The following PIM1 variants were observed in gnomAD, a reference collection of about 807,000 sequenced individuals.
The protein encoded by PIM1 is serine/threonine-protein kinase pim-1.
In PIM1, 9 loss-of-function variants were observed where a neutral mutation model predicts 34.5. The observed-to-expected ratio is 0.26, with a 90% CI of 0.16 to 0.46. The LOEUF is 0.46. PIM1 is among the 20% of genes least tolerant of loss of function. The pLI is 1.00. For missense variants in PIM1, 274 were observed against 410.9 expected, an observed-to-expected ratio of 0.67 and a Z score of 2.88; for synonymous variants, 199 against 175.2, an observed-to-expected ratio of 1.14 and a Z score of -1.07.
Position 37,170,522 on chromosome 6 carries a change from T to G in PIM1, c.-54T>G, listed in dbSNP as rs1482851610. On this transcript the variant is annotated 5_prime_UTR_variant, in exon 1 of 6. Coordinates refer to ENST00000373509, the MANE Select transcript of PIM1 (RefSeq NM_002648.4). Reference sequence around the variant, plus strand: ...CCTTCGGCACAGCCCCGGCTCCGGCTCCTGCGGCAGCTCCTCTGGGCACCG... The same window carrying G: ...CCTTCGGCACAGCCCCGGCTCCGGCGCCTGCGGCAGCTCCTCTGGGCACCG... 1 of 1,608,628 alleles carries G rather than the reference T, an allele frequency of 6.2e-7. No individual in the cohort carries two copies. Among genetic ancestry groups the G allele is most frequent in the African/African-American group, 1.3e-5 (1 of 74,764 alleles).
Position 37,170,555 on chromosome 6 carries a change from G to C in PIM1, c.-21G>C, listed in dbSNP as rs771854118. 73 of 1,612,382 alleles carry C rather than the reference G, an allele frequency of 4.5e-5. No homozygotes were observed. Among genetic ancestry groups the C allele is most frequent in the Non-Finnish European group, 6.1e-5 (72 of 1,179,556 alleles). On this transcript the variant is annotated 5_prime_UTR_variant, in exon 1 of 6. Transcript: ENST00000373509. Reference sequence around the variant, plus strand: ...CAGCTCCTCTGGGCACCGTCCCTGCGCCGACATCCTGGAGGTTGGGATGCT... The same window carrying C: ...CAGCTCCTCTGGGCACCGTCCCTGCCCCGACATCCTGGAGGTTGGGATGCT...
intron 4 of PIM1, chr6:37,172,458 C>A: frequency 2.6e-6 from 1 of 390,216 alleles, no homozygotes; most frequent in Non-Finnish European, 5.1e-6. Flanking sequence ...GTCTACCTTT[C>A]CAGTCTAGGG....
chr6:37,170,495 A>C lies in PIM1; in HGVS notation c.-81A>C. The C allele has an allele frequency of 1.9e-6, 3 of 1,593,960 alleles. No individual in the cohort carries two copies. The highest frequency in any genetic ancestry group is 2.6e-6 in the Non-Finnish European group (3 of 1,173,752). On this transcript the variant is annotated 5_prime_UTR_variant, in exon 1 of 6. Transcript: ENST00000373509. ...CAGCCACAGCCACAGCCCCAGGCAT[A>C]GCCTTCGGCACAGCCCCGGCTCCGG...
chr6:37,171,549 G>T, intron 4 of PIM1, 58 bp downstream of exon 4: 2 of 1,565,806 alleles, frequency 1.3e-6, no homozygotes, highest in East Asian at 2.3e-5. Context: ...GGCCCAGTCC[G>T]GAGGCCTCGG....
chr6:37,172,776 GGTTT>G, intron 4 of PIM1: 1 of 672,818 alleles, frequency 1.5e-6, no homozygotes, highest in Middle Eastern at 2.4e-4. Flanking sequence ...TTCAGTTTAT[GGTTT>G]GGGCTAGCAG....
At chr6:37,173,264 ACTC>A in intron 5 of PIM1, 92 bp downstream of exon 5, 2 of 1,117,594 alleles carry the variant, frequency 1.8e-6, no homozygotes, top group Non-Finnish European at 2.6e-6. Flanking sequence ...GGAGAGCTTC[ACTC>A]TCCAGTAGAT....
In PIM1 at chr6:37,173,142, C is replaced by G; in HGVS notation, c.754C>G (p.Gln252Glu). The G allele has an allele frequency of 6.2e-7, 1 of 1,614,176 alleles. No homozygotes were observed. Among genetic ancestry groups the G allele is most frequent in the Non-Finnish European group, 8.5e-7 (1 of 1,180,030 alleles). The change falls in exon 5 of 6, where the codon CAG becomes GAG. Residue 252 changes from glutamine (Q) to glutamate (E), a missense_variant. Coordinates refer to ENST00000373509, the MANE Select transcript of PIM1 (RefSeq NM_002648.4). ...FEHDEEIIRG[Q>E]VFFRQRVSSE... ...GCATGACGAAGAGATCATCAGGGGC[C>G]AGGTTTTCTTCAGGCAGAGGGTCTC...
In PIM1 at chr6:37,170,425, C is replaced by T. The variant is rs1249221739; in HGVS notation, c.-151C>T. 2 of 1,536,524 alleles carry T rather than the reference C, an allele frequency of 1.3e-6. No homozygotes were observed. The highest frequency in any genetic ancestry group is 1.4e-5 in the African/African-American group (1 of 72,874). On this transcript the variant is annotated 5_prime_UTR_variant, in exon 1 of 6. Coordinates refer to ENST00000373509, the MANE Select transcript of PIM1 (RefSeq NM_002648.4). ...AGTTGTCCTCCGACTCGCCCTCGGC[C>T]TTCCGCGCCAGCCGCAGCCACAGCC... is the stretch of plus-strand genomic sequence containing the variant.
At position 37,174,031 on chromosome 6, in the gene PIM1, C is replaced by T. The variant is rs755392523; in HGVS notation, c.882C>T (p.Leu294=). The T allele has an allele frequency of 7.4e-6, 12 of 1,613,970 alleles. No individual in the cohort carries two copies. In the South Asian group the frequency reaches 9.9e-5, roughly 13 times the overall value. Residue 294 remains leucine (L), a synonymous_variant, in exon 6 of 6, where the codon CTC becomes CTT. Transcript: ENST00000373509. The part of the protein sequence containing the change: ...IQNHPWMQDV[L]LPQETAEIHL... The stretch of plus-strand genomic sequence containing the variant: ...ACCATCCATGGATGCAAGATGTTCT[C>T]CTGCCCCAGGAAACTGCTGAGATCC...
intron 4 of PIM1, 195 bp from the exon 5 acceptor site, chr6:37,172,801 A>G (rs1410182015): frequency 1.5e-6 from 1 of 687,842 alleles, no homozygotes; most frequent in African/African-American, 1.8e-5. Context: ...AGAGGTGGGT[A>G]ATGCTTTGGG....
In PIM1 at chr6:37,173,112, T is replaced by G; in HGVS notation, c.724T>G (p.Phe242Val). The change falls in exon 5 of 6, where the codon TTC becomes GTC. Residue 242 changes from phenylalanine to valine, a missense_variant. Coordinates refer to ENST00000373509, the MANE Select transcript of PIM1 (RefSeq NM_002648.4). ...TGATATGGTGTGTGGAGATATTCCT[T>G]TCGAGCATGACGAAGAGATCATCAG... ...LYDMVCGDIP[F>V]EHDEEIIRGQ... 1 of 1,614,200 alleles carries G rather than the reference T, an allele frequency of 6.2e-7. No individual in the cohort carries two copies. Among genetic ancestry groups the G allele is most frequent in the Non-Finnish European group, 8.5e-7 (1 of 1,180,042 alleles).
rs1401146586 is a variant in PIM1 at position 37,170,424 on chromosome 6, C to A, written c.-152C>A. 2 of 1,536,102 alleles carry A rather than the reference C, an allele frequency of 1.3e-6. No individual in the cohort carries two copies. Among genetic ancestry groups the A allele is most frequent in the African/African-American group, 2.7e-5 (2 of 72,742 alleles). Reference sequence around the variant, plus strand: ...CAGTTGTCCTCCGACTCGCCCTCGGCCTTCCGCGCCAGCCGCAGCCACAGC... The same window carrying A: ...CAGTTGTCCTCCGACTCGCCCTCGGACTTCCGCGCCAGCCGCAGCCACAGC... On this transcript the variant is annotated 5_prime_UTR_variant, in exon 1 of 6. Coordinates refer to ENST00000373509, the MANE Select transcript of PIM1 (RefSeq NM_002648.4).
Position 37,170,256 on chromosome 6 carries a change from AGCAG to A in PIM1, c.-319_-316del. On this transcript the variant is annotated 5_prime_UTR_variant, in exon 1 of 6. Transcript: ENST00000373509. ...CGGCGGCGGCGGGACCGGCAGCAGCAGCAGCAGCAGCAGCAGCAGCAACCACTAG... is the reference window on the plus strand; with the variant it reads ...CGGCGGCGGCGGGACCGGCAGCAGCACAGCAGCAGCAGCAGCAACCACTAG... The A allele has an allele frequency of 7.8e-7, 1 of 1,290,084 alleles. No individual in the cohort carries two copies. Among genetic ancestry groups the A allele is most frequent in the South Asian group, 1.6e-5 (1 of 61,734 alleles). 79.9% of individuals were successfully genotyped at this position (1,290,084 alleles called of 1,614,324 possible). A position where few individuals can be genotyped will look rare whatever the true frequency, so the allele number is the denominator to read the frequency against.
At chr6:37,172,476 G>A (rs1459866035) in intron 4 of PIM1, 1 of 418,220 alleles carries the variant, frequency 2.4e-6, no homozygotes, top group Non-Finnish European at 4.8e-6. Flanking sequence ...GGGAGGAAAG[G>A]GTGTGGGTGT....
At position 37,170,247 on chromosome 6, in the gene PIM1, GGCAGCAGCAGCAGCA is replaced by G. The variant is rs59116171; in HGVS notation, c.-313_-299del. 13 of 1,203,538 alleles carry G rather than the reference GGCAGCAGCAGCAGCA, an allele frequency of 1.1e-5. No individual in the cohort carries two copies. The highest frequency in any genetic ancestry group is 3.2e-5 in the African/African-American group (2 of 62,062). The allele number at this position is 1,203,538 out of a possible 1,614,324, so 74.6% of individuals were successfully genotyped here. On this transcript the variant is annotated 5_prime_UTR_variant, in exon 1 of 6. Coordinates refer to ENST00000373509, the MANE Select transcript of PIM1 (RefSeq NM_002648.4). ...CGGTGGCAGCGGCGGCGGCGGGACC[GGCAGCAGCAGCAGCA>G]GCAGCAGCAGCAGCAACCACTAGCC...
chr6:37,172,399 A>T, intron 4 of PIM1: 1 of 348,552 alleles, frequency 2.9e-6, no homozygotes, highest in Non-Finnish European at 5.7e-6. Flanking sequence ...TTTACTACCC[A>T]AAGTTTGTAA....
rs374944011 is a variant in PIM1, at chr6:37,171,112, C to T, written c.241-13C>T. On this transcript the variant is annotated splice_polypyrimidine_tract_variant and intron_variant, in intron 3 of 5. Transcript: ENST00000373509. ...CCGACTCCCGCCCTAACGCGGCCCCCTCGCCCCTGCAGCCTAATGGCACTC... is the reference window on the plus strand; with the variant it reads ...CCGACTCCCGCCCTAACGCGGCCCCTTCGCCCCTGCAGCCTAATGGCACTC... The T allele has an allele frequency of 1.9e-6, 3 of 1,613,864 alleles. No individual in the cohort carries two copies. Among genetic ancestry groups the T allele is most frequent in the South Asian group, 1.1e-5 (1 of 91,068 alleles).
chr6:37,170,282 C>T lies in PIM1; in HGVS notation c.-294C>T, dbSNP rs1428156952. The T allele has an allele frequency of 1.0e-5, 14 of 1,384,360 alleles. No individual in the cohort carries two copies. Among genetic ancestry groups the T allele is most frequent in the African/African-American group, 1.5e-5 (1 of 65,784 alleles). The allele number at this position is 1,384,360 out of a possible 1,614,324, so 85.8% of individuals were successfully genotyped here. A position where few individuals can be genotyped will look rare whatever the true frequency, so the allele number is the denominator to read the frequency against. On this transcript the variant is annotated 5_prime_UTR_variant, in exon 1 of 6. Coordinates refer to ENST00000373509, the MANE Select transcript of PIM1 (RefSeq NM_002648.4). ...GCAGCAGCAGCAGCAGCAGCAACCA[C>T]TAGCCTCCTGCCCCGCGGCGCTGCC...
chr6:37,171,140 G>T lies in PIM1; in HGVS notation c.256G>T (p.Val86Leu). The T allele has an allele frequency of 2.5e-6, 4 of 1,613,914 alleles. No homozygotes were observed. The highest frequency in any genetic ancestry group is 2.5e-6 in the Non-Finnish European group (3 of 1,179,888). The change falls in exon 4 of 6, where the codon GTG becomes TTG. Residue 86 changes from valine to leucine, a missense_variant. Coordinates refer to ENST00000373509, the MANE Select transcript of PIM1 (RefSeq NM_002648.4). ...GCCCCTGCAGCCTAATGGCACTCGA[G>T]TGCCCATGGAAGTGGTCCTGCTGAA... ...DWGELPNGTR[V>L]PMEVVLLKKV... is the part of the protein sequence containing the mutation.
Sources: gnomAD v4.1 joint callset for allele counts on GRCh38, gnomAD v4.1.1 for gene constraint, MANE v1.5 for transcripts, NCBI Gene and HGNC (gene_info 2026-07-23, HGNC 2026-07-21) for gene names.